The following KLHDC4 variants were observed in gnomAD, a reference collection of about 807,000 sequenced individuals.
KLHDC4 encodes the protein kelch domain containing 4, also known as kelch domain-containing protein 4.
A neutral mutation model predicts 62.4 loss-of-function variants in KLHDC4; 90 were observed. That is an observed-to-expected ratio of 1.44 (90% CI 1.22 to 1.72). The LOEUF (loss-of-function observed/expected upper bound fraction) is 1.72, where lower values mean the gene tolerates loss of function less well. Among genes scored for constraint, KLHDC4 ranks in the 40% most tolerant of loss-of-function variants. The probability of loss-of-function intolerance (pLI) is 0.00; values close to 1 mark genes in which losing one functional copy is unlikely to be tolerated. For synonymous variants in KLHDC4, 386 were observed against 284.4 expected (o/e 1.36, Z -3.59); for missense variants, 1,025 against 699.7 (o/e 1.47, Z -5.25).
At chr16:87,759,313 T>A (rs377421297) in intron 2 of KLHDC4, among the ~76,000 whole-genome samples, 38 of 151,788 alleles carry the variant, frequency 2.5e-4, no homozygotes, top group African/African-American at 8.2e-4. Context: ...GGCAGTTGGA[T>A]CATCTGAGGT....
Position 87,756,398 on chromosome 16 carries a change from C to CT in KLHDC4, c.270dup (p.Thr91AsnfsTer5), listed in dbSNP as rs767976876. The CT allele has an allele frequency of 1.2e-4, 199 of 1,606,938 alleles. 1 individual carries two copies. In the African/African-American group the frequency reaches 2.4e-3, roughly 20 times the overall value. On this transcript the variant is annotated frameshift_variant and splice_region_variant. Coordinates refer to ENST00000270583, the MANE Select transcript of KLHDC4 (RefSeq NM_017566.4). LOFTEE classifies it high-confidence loss of function. ...AGAAAAGAAAAAAATATATACTTTA[C>CT]TTTTTGGCCGTTGAAATATTCACCT...
At chr16:87,731,210 T>G (rs1205693652) in intron 5 of KLHDC4, among the ~76,000 whole-genome samples, 2 of 151,706 alleles carry the variant, frequency 1.3e-5, no homozygotes, top group African/African-American at 4.8e-5. Context: ...ATTACAAGCG[T>G]GCACCACCAC....
At position 87,726,804 on chromosome 16, in the gene KLHDC4, GGGAGTGAC is replaced by G; in HGVS notation, c.712_719del (p.Val238ProfsTer16). ...CCCCATAGACGACGATGCCGCCCTG[GGGAGTGAC>G]GGACATCTGGCAGCCTGATCTGGGT... On this transcript the variant is annotated frameshift_variant, in exon 7 of 12. Transcript: ENST00000270583. LOFTEE classifies it high-confidence loss of function. 1 of 1,609,510 alleles carries G rather than the reference GGGAGTGAC, an allele frequency of 6.2e-7. No individual in the cohort carries two copies. The highest frequency in any genetic ancestry group is 8.5e-7 in the Non-Finnish European group (1 of 1,178,260).
chr16:87,722,798 G>C (rs2038651252), intron 7 of KLHDC4, among the ~76,000 whole-genome samples: 1 of 152,258 alleles, frequency 6.6e-6, no homozygotes, highest in Non-Finnish European at 1.5e-5. Flanking sequence ...GTGATCCTGA[G>C]GGCCCCGGGG....
At chr16:87,709,695 C>A in intron 9 of KLHDC4, 28 bp from the exon 10 acceptor site, 1 of 1,537,332 alleles carries the variant, frequency 6.5e-7, no homozygotes. Context: ...AAGCAGAGAG[C>A]AGCAGCTTCA....
intron 1 of KLHDC4, chr16:87,765,479 A>G: frequency 2.0e-6 from 1 of 495,508 alleles, no homozygotes. Context: ...GCCTCCCTTC[A>G]GAGGGAGGGT....
At chr16:87,739,800 C>G (rs1398578639) in intron 5 of KLHDC4, 1 of 152,332 alleles carries the variant, frequency 6.6e-6, no homozygotes, top group Non-Finnish European at 1.5e-5. Flanking sequence ...CCAGAAGAGG[C>G]AGATCCACAG....
chr16:87,716,111 G>C (rs1391103259), intron 7 of KLHDC4, among the ~76,000 whole-genome samples: 2 of 152,250 alleles, frequency 1.3e-5, no homozygotes, highest in East Asian at 3.9e-4. Flanking sequence ...GTAGACTTTG[G>C]GTACACACTA....
intron 7 of KLHDC4, 42 bp from the exon 8 acceptor site, chr16:87,714,615 A>C (rs749614762): frequency 6.2e-6 from 10 of 1,608,770 alleles, no homozygotes; most frequent in South Asian, 1.1e-5. Context: ...GGGCAGCTAC[A>C]GTGGTTGCTT....
At chr16:87,720,317 T>C (rs144590868) in intron 7 of KLHDC4, among the ~76,000 whole-genome samples, 118 of 152,256 alleles carry the variant, frequency 7.8e-4, no homozygotes, top group African/African-American at 2.6e-3. Flanking sequence ...CAGGCAGGGA[T>C]AGGGTGTCGG....
At chr16:87,710,072 G>GC (rs1173235655) in intron 9 of KLHDC4, 2 of 182,352 alleles carry the variant, frequency 1.1e-5, no homozygotes, top group Non-Finnish European at 2.3e-5. Context: ...AGGCTGAGGG[G>GC]CTTCCTCCCC....
chr16:87,701,011 G>A (rs1016910293), exon 1 of KLHDC4: 6 of 209,166 alleles, frequency 2.9e-5, no homozygotes, highest in Middle Eastern at 1.1e-3. Flanking sequence ...GTCCCCAGGT[G>A]CCAAGGAGGT....
chr16:87,723,858 G>C (rs1055761614), intron 7 of KLHDC4, among the ~76,000 whole-genome samples: 3 of 152,014 alleles, frequency 2.0e-5, no homozygotes, highest in Non-Finnish European at 2.9e-5. Flanking sequence ...TTTTTTTTGA[G>C]ATGAGTCTTG....
In KLHDC4 at chr16:87,748,727, T is replaced by C. The variant is rs1326401711; in HGVS notation, c.452A>G (p.His151Arg). 6.2e-7 allele frequency: 1 copy of C among 1,613,562 alleles called. No individual in the cohort carries two copies. Residue 151 changes from histidine (H) to arginine (R), a missense_variant, in exon 5 of 12, where the codon CAC becomes CGC. Physicochemically the swap from His to Arg is conservative, Grantham distance 29. Transcript: ENST00000270583. ...FASPNGEQFYHYKDLWVLHLA... is the reference protein window; with the variant it reads ...FASPNGEQFYRYKDLWVLHLA... Reference sequence around the variant, plus strand: ...ATGCAGGACCCAGAGATCCTTGTAGTGGTAGAACTGCTCTCCGTTGGGAGA... The same window carrying C: ...ATGCAGGACCCAGAGATCCTTGTAGCGGTAGAACTGCTCTCCGTTGGGAGA...
At chr16:87,714,009 T>C (rs1283747392) in intron 8 of KLHDC4, among the ~76,000 whole-genome samples, 1 of 152,120 alleles carries the variant, frequency 6.6e-6, no homozygotes, top group Non-Finnish European at 1.5e-5. Context: ...TCTGAAGTTC[T>C]GTGCATGAGC....
chr16:87,736,952 C>A (rs151123400), intron 5 of KLHDC4, among the ~76,000 whole-genome samples: 1 of 151,604 alleles, frequency 6.6e-6, no homozygotes, highest in East Asian at 2.0e-4. Context: ...TGGTAAAACC[C>A]TGCCTCTTAT....
In KLHDC4 at chr16:87,702,034, C is replaced by T. The variant is rs776970012; in HGVS notation, c.481G>A (p.Gly161Ser). The stretch of plus-strand genomic sequence containing the variant: ...GGCAGCTCCTTACAGAGGCTAACGC[C>T]GGGTCTGGTCCCTGGTGACCCCAGG... The change falls in exon 1 of 1, where the codon GGC becomes AGC. Residue 161 changes from glycine to serine, a missense_variant. Coordinates refer to the KLHDC4 transcript ENST00000446344. 68 of 456,188 alleles carry T rather than the reference C, an allele frequency of 1.5e-4. 1 individual carries two copies. In the Middle Eastern group the frequency reaches 2.9e-3, roughly 19 times the overall value. The allele number at this position is 456,188 out of a possible 1,614,324, so 28.3% of individuals were successfully genotyped here.
chr16:87,749,910 C>T (rs1324278339), intron 4 of KLHDC4, among the ~76,000 whole-genome samples: 1 of 152,196 alleles, frequency 6.6e-6, no homozygotes, highest in African/African-American at 2.4e-5. Context: ...AATAAAGACT[C>T]AGCACCACAG....
chr16:87,741,994 C>T (rs1307462603), intron 5 of KLHDC4, among the ~76,000 whole-genome samples: 1 of 152,212 alleles, frequency 6.6e-6, no homozygotes, highest in African/African-American at 2.4e-5. Context: ...GGGATTCCCA[C>T]GTGCTCTGCA....
Sources: gnomAD v4.1 joint callset for allele counts (sites outside exome capture counted in the v4.1 genomes callset) on GRCh38, gnomAD v4.1.1 for gene constraint, MANE v1.5 for transcripts, NCBI Gene and HGNC (gene_info 2026-07-23, HGNC 2026-07-21) for gene names.